Variants in CTNNA3 observed in about 807,000 individuals in gnomAD.
The protein encoded by CTNNA3 is catenin alpha 3.
A neutral mutation model predicts 95.7 loss-of-function variants in CTNNA3; 76 were observed. The observed-to-expected ratio is 0.79, with a 90% confidence interval of 0.66 to 0.96. CTNNA3 has a LOEUF of 0.96. CTNNA3 is among the 40% of genes least tolerant of loss of function. CTNNA3 has a pLI of 0.00. For missense variants in CTNNA3, 1,191 were observed against 1,089.8 expected, an observed-to-expected ratio of 1.09 and a Z score of -1.31; for synonymous variants, 431 against 374.4, an observed-to-expected ratio of 1.15 and a Z score of -1.74.
chr10:67,069,025 C>A (rs1016097485), intron 7 of CTNNA3, among the ~76,000 whole-genome samples: 17 of 150,134 alleles, frequency 1.1e-4, no homozygotes, highest in African/African-American at 3.9e-4. Context: ...CTGAACTCCA[C>A]TCTGGGCAAC....
At chr10:66,343,880 G>A (rs866407379) in intron 12 of CTNNA3, among the ~76,000 whole-genome samples, 3 of 151,798 alleles carry the variant, frequency 2.0e-5, no homozygotes, top group African/African-American at 7.3e-5. Context: ...AAAAAGACAA[G>A]CCCTCTCAAT....
chr10:65,964,862 A>G (rs997145827), intron 17 of CTNNA3, among the ~76,000 whole-genome samples: 7 of 152,198 alleles, frequency 4.6e-5, no homozygotes, highest in African/African-American at 1.2e-4. Flanking sequence ...AAATATGTAT[A>G]CATATTAATA....
At chr10:66,553,225 T>C (rs1286992355) in intron 10 of CTNNA3, among the ~76,000 whole-genome samples, 1 of 152,016 alleles carries the variant, frequency 6.6e-6, no homozygotes. Flanking sequence ...AAAAAATGAG[T>C]CTGACAAACT....
intron 13 of CTNNA3, among the ~76,000 whole-genome samples, chr10:66,106,151 G>A (rs867029183): frequency 2.0e-5 from 3 of 151,016 alleles, no homozygotes; most frequent in East Asian, 2.0e-4. Flanking sequence ...AGGTTGCAGC[G>A]AGCCGAGATC....
chr10:67,606,987 T>A lies in CTNNA3; in HGVS notation c.162A>T (p.Arg54Ser). 6.2e-7 allele frequency: 1 copy of A among 1,614,132 alleles called. No individual in the cohort carries two copies. The highest frequency in any genetic ancestry group is 8.5e-7 in the Non-Finnish European group (1 of 1,179,970). Residue 54 changes from arginine (R) to serine (S), a missense_variant, in exon 3 of 18, where the codon AGA becomes AGT. Arg to Ser is a moderately radical substitution (Grantham distance 110). Coordinates refer to ENST00000433211, the MANE Select transcript of CTNNA3 (RefSeq NM_013266.4). Reference sequence around the variant, plus strand: ...CCACAGAAGCTAGAAGGACACTGGCTCTTTTCGAACGTCCTTTTTTCCTGC... The same window carrying A: ...CCACAGAAGCTAGAAGGACACTGGCACTTTTCGAACGTCCTTTTTTCCTGC... ...PSSRKKGRSKRASVLLASVEE... is the reference protein window; with the variant it reads ...PSSRKKGRSKSASVLLASVEE...
intron 7 of CTNNA3, among the ~76,000 whole-genome samples, chr10:66,907,011 A>G (rs971612200): frequency 6.6e-6 from 1 of 152,174 alleles, no homozygotes; most frequent in Non-Finnish European, 1.5e-5. Context: ...ACATTAAAAT[A>G]TAGAATTAGA....
chr10:67,470,349 T>C (rs1179481610), intron 5 of CTNNA3, among the ~76,000 whole-genome samples: 1 of 152,186 alleles, frequency 6.6e-6, no homozygotes, highest in East Asian at 1.9e-4. Flanking sequence ...CATTCATCTG[T>C]TGATGGACAC....
At chr10:66,812,199 G>A (rs1431650092) in intron 7 of CTNNA3, among the ~76,000 whole-genome samples, 7 of 152,068 alleles carry the variant, frequency 4.6e-5, no homozygotes, top group Admixed American at 4.6e-4. Context: ...AAATGAAACC[G>A]GAGTAAAATC....
intron 7 of CTNNA3, among the ~76,000 whole-genome samples, chr10:67,159,408 C>G (rs892076050): frequency 5.9e-5 from 9 of 152,048 alleles, no homozygotes; most frequent in Non-Finnish European, 1.2e-4. Flanking sequence ...AATCATACTT[C>G]TGGATTTCAA....
Position 66,712,209 on chromosome 10 carries a change from A to G in CTNNA3, c.1281+54055T>C, listed in dbSNP as rs557661609. Among the ~76,000 whole-genome samples, 36 of 152,296 alleles carry G rather than the reference A, an allele frequency of 2.4e-4. No homozygotes were observed. In the South Asian group the frequency reaches 7.0e-3, roughly 30 times the overall value. ...TCTGCAGATGCTCAAATGCTAAATA[A>G]TAAACATGTGATACAAGCTGAGATT... On this transcript the variant is annotated intron_variant, in intron 9 of 17. Coordinates refer to ENST00000433211, the MANE Select transcript of CTNNA3 (RefSeq NM_013266.4).
At chr10:66,028,356 C>A (rs2133448509) in intron 15 of CTNNA3, among the ~76,000 whole-genome samples, 1 of 152,200 alleles carries the variant, frequency 6.6e-6, no homozygotes, top group Admixed American at 6.5e-5. Flanking sequence ...AAATGTCCAA[C>A]AATGATAGAC....
intron 13 of CTNNA3, among the ~76,000 whole-genome samples, chr10:66,190,688 C>T (rs2086621159): frequency 6.6e-6 from 1 of 152,066 alleles, no homozygotes; most frequent in South Asian, 2.1e-4. Flanking sequence ...TCTACCTCTC[C>T]TCATCTTTCT....
intron 1 of CTNNA3, among the ~76,000 whole-genome samples, chr10:67,703,174 C>A (rs1248090659): frequency 3.3e-5 from 5 of 152,220 alleles, no homozygotes; most frequent in Non-Finnish European, 5.9e-5. Flanking sequence ...CAGAAGGATT[C>A]ACAGCCGAAT....
intron 11 of CTNNA3, among the ~76,000 whole-genome samples, chr10:66,442,964 T>C (rs1314760691): frequency 6.6e-6 from 1 of 152,170 alleles, no homozygotes; most frequent in Admixed American, 6.5e-5. Context: ...ACCCTAATAC[T>C]GCACTTTTCC....
intron 7 of CTNNA3, among the ~76,000 whole-genome samples, chr10:67,023,810 C>G (rs1343714953): frequency 2.0e-5 from 3 of 152,090 alleles, no homozygotes; most frequent in Non-Finnish European, 4.4e-5. Context: ...TGTAAGACTG[C>G]AAGGTTAGGA....
At chr10:66,952,440 C>T (rs1188423632) in intron 7 of CTNNA3, among the ~76,000 whole-genome samples, 2 of 152,078 alleles carry the variant, frequency 1.3e-5, no homozygotes, top group Non-Finnish European at 2.9e-5. Flanking sequence ...TTTTAAGCTA[C>T]GAAGGGCCTT....
At chr10:66,661,579 T>G (rs1379090687) in intron 9 of CTNNA3, among the ~76,000 whole-genome samples, 1 of 152,114 alleles carries the variant, frequency 6.6e-6, no homozygotes, top group Non-Finnish European at 1.5e-5. Context: ...AGTCTTGAGG[T>G]ATAAAGCATT....
intron 7 of CTNNA3, among the ~76,000 whole-genome samples, chr10:67,019,118 G>A (rs2133066478): frequency 6.6e-6 from 1 of 152,318 alleles, no homozygotes; most frequent in Admixed American, 6.5e-5. Context: ...AATATGGTAG[G>A]ATGATAAGGT....
chr10:66,105,742 A>G (rs926794187), intron 13 of CTNNA3, among the ~76,000 whole-genome samples: 1 of 152,214 alleles, frequency 6.6e-6, no homozygotes, highest in Non-Finnish European at 1.5e-5. Flanking sequence ...CTTTTCATGA[A>G]CAAAATCAGT....
Sources: allele counts gnomAD v4.1 joint callset (sites outside exome capture counted in the v4.1 genomes callset), GRCh38; gene constraint gnomAD v4.1.1; transcripts MANE v1.5; gene names NCBI Gene and HGNC (gene_info 2026-07-23, HGNC 2026-07-21).